The following C9orf85 variants were observed in gnomAD, a reference collection of about 807,000 sequenced individuals.
The protein encoded by C9orf85 is uncharacterized protein C9orf85.
A neutral mutation model predicts 14.9 loss-of-function variants in C9orf85; 16 were observed. The ratio of observed to expected loss-of-function variants is 1.08; its 90% confidence interval spans 0.73 to 1.63. The LOEUF is 1.63. Among genes scored for constraint, C9orf85 ranks in the 40% most tolerant of loss-of-function variants. The probability of loss-of-function intolerance (pLI) is 0.00; values close to 1 mark genes in which losing one functional copy is unlikely to be tolerated. For synonymous variants in C9orf85, 45 were observed against 56.8 expected, an observed-to-expected ratio of 0.79 and a Z score of 0.93; for missense variants, 172 against 186.1, an observed-to-expected ratio of 0.92 and a Z score of 0.44.
downstream of C9orf85, among the ~76,000 whole-genome samples, chr9:71,977,321 A>G (rs151085462): frequency 2.6e-3 from 393 of 152,350 alleles, 1 homozygote; most frequent in African/African-American, 9.1e-3. Flanking sequence ...CCCAGCTGAT[A>G]CCTCAGCAAG....
At chr9:71,951,711 G>C (rs954558111) in intron 2 of C9orf85, among the ~76,000 whole-genome samples, 1 of 152,066 alleles carries the variant, frequency 6.6e-6, no homozygotes. Flanking sequence ...TATTTTTCAA[G>C]TGCCTTGTTT....
intron 1 of C9orf85, among the ~76,000 whole-genome samples, chr9:71,930,106 T>C (rs979701931): frequency 1.3e-4 from 19 of 151,994 alleles, no homozygotes; most frequent in Admixed American, 1.2e-3. Flanking sequence ...TTTGCTATTA[T>C]TTTTATAATA....
intron 1 of C9orf85, among the ~76,000 whole-genome samples, chr9:71,914,716 C>T (rs985408280): frequency 2.6e-5 from 4 of 152,092 alleles, no homozygotes; most frequent in Admixed American, 6.5e-5. Flanking sequence ...AATGGCCAAA[C>T]TTGGACCAGG....
At chr9:71,955,355 A>G (rs1223018832) in intron 2 of C9orf85, among the ~76,000 whole-genome samples, 1 of 152,154 alleles carries the variant, frequency 6.6e-6, no homozygotes, top group Non-Finnish European at 1.5e-5. Flanking sequence ...TGAGCAAAGA[A>G]TGAAGAATCA....
At position 71,934,542 on chromosome 9, in the gene C9orf85, T is replaced by C. The variant is rs79099633; in HGVS notation, c.103-12464T>C. Among the ~76,000 whole-genome samples, 727 of 152,214 alleles carry C rather than the reference T, an allele frequency of 4.8e-3. 6 individuals are homozygous for C. The highest frequency in any genetic ancestry group is 0.017 in the African/African-American group (696 of 41,536). ...GCAGCTCATAGAGTGGGAGAAAATG[T>C]GTACAAATCATATACCTGATAAGGG... On this transcript the variant is annotated intron_variant, in intron 1 of 3. Transcript: ENST00000334731.
At chr9:71,980,151 T>C (rs1823071781) in intron 3 of C9orf85, among the ~76,000 whole-genome samples, 1 of 151,826 alleles carries the variant, frequency 6.6e-6, no homozygotes, top group South Asian at 2.1e-4. Flanking sequence ...GTAGCTAGGA[T>C]CACAGGTGCG....
intron 3 of C9orf85, among the ~76,000 whole-genome samples, chr9:71,982,396 T>C (rs1823112640): frequency 6.6e-6 from 1 of 152,178 alleles, no homozygotes; most frequent in South Asian, 2.1e-4. Flanking sequence ...TTCGTGGATA[T>C]ATATACCTAA....
At chr9:71,912,102 A>G in intron 1 of C9orf85, 1 of 465,574 alleles carries the variant, frequency 2.1e-6, no homozygotes, top group South Asian at 2.0e-5. Flanking sequence ...TAAGGTGCAG[A>G]TGGGGCAGTT....
chr9:71,966,523 G>C (rs1822695188), intron 2 of C9orf85, among the ~76,000 whole-genome samples: 1 of 151,882 alleles, frequency 6.6e-6, no homozygotes. Flanking sequence ...CTGAAGTTTT[G>C]GTAATCTGAA....
chr9:71,947,178 T>C, intron 2 of C9orf85, 66 bp downstream of exon 2: 2 of 1,094,350 alleles, frequency 1.8e-6, no homozygotes, highest in Non-Finnish European at 2.6e-6. Context: ...TTTCATTTCC[T>C]GATTTTCAAA....
intron 2 of C9orf85, among the ~76,000 whole-genome samples, chr9:71,963,255 C>T (rs1304902816): frequency 1.3e-5 from 2 of 152,192 alleles, no homozygotes; most frequent in African/African-American, 4.8e-5. Flanking sequence ...GTTAAAGTAA[C>T]TTTCAGAGAT....
At chr9:71,968,711 T>C (rs573435674) in intron 2 of C9orf85, among the ~76,000 whole-genome samples, 1 of 152,298 alleles carries the variant, frequency 6.6e-6, no homozygotes, top group East Asian at 1.9e-4. Flanking sequence ...CAAGGCAATT[T>C]TACTTCTATA....
chr9:71,959,564 G>A (rs1436836343), intron 2 of C9orf85, among the ~76,000 whole-genome samples: 1 of 152,306 alleles, frequency 6.6e-6, no homozygotes, highest in South Asian at 2.1e-4. Flanking sequence ...CTAGTAAACA[G>A]TATACTCAAA....
At chr9:71,947,608 T>C (rs1253777131) in intron 2 of C9orf85, among the ~76,000 whole-genome samples, 1 of 152,124 alleles carries the variant, frequency 6.6e-6, no homozygotes, top group African/African-American at 2.4e-5. Flanking sequence ...CTAGATTTTG[T>C]TTCTGATCCT....
chr9:71,914,740 A>G (rs571200553), intron 1 of C9orf85, among the ~76,000 whole-genome samples: 100 of 152,312 alleles, frequency 6.6e-4, no homozygotes, highest in Middle Eastern at 3.4e-3. Context: ...TCAAAGTAAC[A>G]AAAATAGGTT....
downstream of C9orf85, chr9:71,984,814 T>A (rs374385315): frequency 6.6e-6 from 1 of 152,244 alleles, no homozygotes; most frequent in South Asian, 2.1e-4. Context: ...ACACAGTAAA[T>A]CTTGTGTTAT....
At chr9:71,912,628 T>C (rs1827538855) in intron 1 of C9orf85, among the ~76,000 whole-genome samples, 1 of 151,978 alleles carries the variant, frequency 6.6e-6, no homozygotes, top group Non-Finnish European at 1.5e-5. Flanking sequence ...GCGCTTGTAA[T>C]CTCAGCACTT....
chr9:71,918,577 T>G (rs1363349543), intron 1 of C9orf85: 1 of 473,470 alleles, frequency 2.1e-6, no homozygotes, highest in Non-Finnish European at 3.7e-6. Flanking sequence ...AAGCTTCATC[T>G]GTATTTACAG....
intron 1 of C9orf85, among the ~76,000 whole-genome samples, chr9:71,920,966 C>G (rs1193894821): frequency 6.6e-6 from 1 of 152,050 alleles, no homozygotes; most frequent in East Asian, 1.9e-4. Flanking sequence ...GGGAACAGGT[C>G]AAGACATGCC....
Sources: gnomAD v4.1 joint callset for allele counts (sites outside exome capture counted in the v4.1 genomes callset) on GRCh38, gnomAD v4.1.1 for gene constraint, MANE v1.5 for transcripts, NCBI Gene and HGNC (gene_info 2026-07-23, HGNC 2026-07-21) for gene names.